Variants in SPTLC2 observed in about 807,000 individuals in gnomAD.
SPTLC2 encodes the protein serine palmitoyltransferase 2.
In SPTLC2, 21 loss-of-function variants were observed where a neutral mutation model predicts 62.0. That is an observed-to-expected ratio of 0.34 (90% confidence interval 0.24 to 0.49). SPTLC2 has a LOEUF of 0.49. Among genes scored for constraint, SPTLC2 ranks in the 20% least tolerant of loss-of-function variants. The pLI is 0.99. For synonymous variants in SPTLC2, 261 were observed against 261.8 expected, an observed-to-expected ratio of 1.00 and a Z score of 0.03; for missense variants, 511 against 713.0, an observed-to-expected ratio of 0.72 and a Z score of 3.23.
At chr14:77,525,635 G>A (rs1424439214) in intron 9 of SPTLC2, among the ~76,000 whole-genome samples, 2 of 152,058 alleles carry the variant, frequency 1.3e-5, no homozygotes, top group African/African-American at 4.8e-5. Context: ...GGAGGGCTGG[G>A]CATGGTGGCT....
At chr14:77,610,743 G>T (rs531425861) in intron 1 of SPTLC2, among the ~76,000 whole-genome samples, 1 of 151,852 alleles carries the variant, frequency 6.6e-6, no homozygotes, top group Non-Finnish European at 1.5e-5. Context: ...TTGTGGTCAG[G>T]AGTCTGAGAC....
intron 8 of SPTLC2, chr14:77,554,959 C>T (rs1378627409): frequency 5.7e-6 from 2 of 350,564 alleles, no homozygotes; most frequent in Non-Finnish European, 1.1e-5. Flanking sequence ...GCTCCCATGA[C>T]AACCCCACTG....
intron 8 of SPTLC2, 141 bp downstream of exon 8, chr14:77,555,159 G>A (rs1230843987): frequency 2.4e-6 from 2 of 850,588 alleles, no homozygotes; most frequent in East Asian, 2.4e-5. Flanking sequence ...AGACATTAGA[G>A]TCACTCACTG....
In SPTLC2 at chr14:77,534,176, TCTCACA is replaced by T. The variant is rs1231162896; in HGVS notation, c.1304-12601_1304-12596del. ...CTGTCTCTCTCTCTTTCTCTCTCTC[TCTCACA>T]CACACACACACACACACACACACAC... On this transcript the variant is annotated intron_variant, in intron 9 of 11. Coordinates refer to ENST00000216484, the MANE Select transcript of SPTLC2 (RefSeq NM_004863.4). Among the ~76,000 whole-genome samples the T allele has an allele frequency of 2.6e-3, 287 of 110,626 alleles. 2 individuals are homozygous for T. The highest frequency in any genetic ancestry group is 4.9e-3 in the Middle Eastern group (1 of 206). The allele number at this position is 110,626 out of a possible 152,430, so 72.6% of individuals were successfully genotyped here. A position where few individuals can be genotyped will look rare whatever the true frequency, so the allele number is the denominator to read the frequency against.
At chr14:77,540,753 C>T (rs560823533) in intron 9 of SPTLC2, among the ~76,000 whole-genome samples, 24 of 152,288 alleles carry the variant, frequency 1.6e-4, no homozygotes, top group Admixed American at 3.9e-4. Context: ...GGATTACAGG[C>T]GTGAGCCACC....
chr14:77,548,440 T>G (rs1397491654), intron 9 of SPTLC2, among the ~76,000 whole-genome samples: 2 of 152,214 alleles, frequency 1.3e-5, no homozygotes, highest in Non-Finnish European at 2.9e-5. Flanking sequence ...TTTAGTTGAT[T>G]TGGTCAAACA....
intron 2 of SPTLC2, among the ~76,000 whole-genome samples, chr14:77,583,240 A>AAAAT (rs1566787290): frequency 6.8e-6 from 1 of 146,594 alleles, no homozygotes. Flanking sequence ...TAAATAAATA[A>AAAAT]AAATAATAAT....
At position 77,506,024 on chromosome 14, in the gene SPTLC2, A is replaced by G. The variant is rs2079303282; in HGVS notation, c.*6260T>C. 2 of 152,238 alleles carry G rather than the reference A, an allele frequency of 1.3e-5. No individual in the cohort carries two copies. The highest frequency in any genetic ancestry group is 4.8e-5 in the African/African-American group (2 of 41,464). The allele number at this position is 152,238 out of a possible 1,614,324, so 9.4% of individuals were successfully genotyped here. ...TCTTTCTGAATATTTTATTAGGGCA[A>G]AACAAGATATTTGCATGGGATGCTT... On this transcript the variant is annotated 3_prime_UTR_variant, in exon 12 of 12. Coordinates refer to ENST00000216484, the MANE Select transcript of SPTLC2 (RefSeq NM_004863.4).
At chr14:77,597,773 C>CAA (rs771918353) in intron 1 of SPTLC2, among the ~76,000 whole-genome samples, 2 of 88,150 alleles carry the variant, frequency 2.3e-5, no homozygotes, top group Admixed American at 1.3e-4. Flanking sequence ...GACTCCGTGT[C>CAA]AAAAAAAAAA....
intron 2 of SPTLC2, among the ~76,000 whole-genome samples, chr14:77,590,285 T>C (rs1438654726): frequency 6.6e-6 from 1 of 152,226 alleles, no homozygotes; most frequent in Non-Finnish European, 1.5e-5. Context: ...GCCTCTGGCC[T>C]TGTATCTTAA....
chr14:77,511,233 C>T lies in SPTLC2; in HGVS notation c.*1051G>A, dbSNP rs996323053. ...AATAAACCTAATCCTTAAATAGGAACATGATAAATGCTTTCTGAGCAGAGG... is the reference window on the plus strand; with the variant it reads ...AATAAACCTAATCCTTAAATAGGAATATGATAAATGCTTTCTGAGCAGAGG... On this transcript the variant is annotated 3_prime_UTR_variant, in exon 12 of 12. Transcript: ENST00000216484. 6.6e-6 allele frequency: 1 copy of T among 152,204 alleles called. No individual in the cohort carries two copies. Among genetic ancestry groups the T allele is most frequent in the African/African-American group, 2.4e-5 (1 of 41,442 alleles). 9.4% of individuals were successfully genotyped at this position (152,204 alleles called of 1,614,324 possible). A position where few individuals can be genotyped will look rare whatever the true frequency, so the allele number is the denominator to read the frequency against.
intron 6 of SPTLC2, among the ~76,000 whole-genome samples, chr14:77,559,090 C>G (rs544420048): frequency 6.6e-6 from 1 of 152,186 alleles, no homozygotes; most frequent in East Asian, 1.9e-4. Context: ...GAGACCGAGG[C>G]GGGTGAATCG....
chr14:77,580,024 C>G (rs1002469915), intron 2 of SPTLC2, among the ~76,000 whole-genome samples: 5 of 152,274 alleles, frequency 3.3e-5, no homozygotes, highest in Non-Finnish European at 7.4e-5. Flanking sequence ...CCTCCTCCCA[C>G]ATTAATAGAT....
chr14:77,513,095 G>A (rs1227210037), intron 11 of SPTLC2, among the ~76,000 whole-genome samples: 1 of 126,666 alleles, frequency 7.9e-6, no homozygotes, highest in Admixed American at 1.1e-4. Context: ...GCACCATCTC[G>A]GCTCACTGCA....
rs373479393 is a variant in SPTLC2 at position 77,507,332 on chromosome 14, C to CT, written c.*4951dup. 9,375 of 138,932 alleles carry CT rather than the reference C, an allele frequency of 0.067. 384 individuals carry two copies. Among genetic ancestry groups the CT allele is most frequent in the African/African-American group, 0.1 (3,755 of 37,550 alleles). The allele number at this position is 138,932 out of a possible 1,614,324, so 8.6% of individuals were successfully genotyped here. On this transcript the variant is annotated 3_prime_UTR_variant, in exon 12 of 12. Transcript: ENST00000216484. ...GCAATGGCTAGGGGCCTGGGCACACCTTTTTTTTTTTTTTTTGAGACAGAG... is the reference window on the plus strand; with the variant it reads ...GCAATGGCTAGGGGCCTGGGCACACCTTTTTTTTTTTTTTTTTGAGACAGAG...
At chr14:77,599,441 A>G (rs926143122) in intron 1 of SPTLC2, among the ~76,000 whole-genome samples, 1 of 152,230 alleles carries the variant, frequency 6.6e-6, no homozygotes, top group African/African-American at 2.4e-5. Flanking sequence ...CCAAGGGGTA[A>G]AGATATTTTA....
At chr14:77,523,737 T>C (rs1459741651) in intron 9 of SPTLC2, among the ~76,000 whole-genome samples, 1 of 152,142 alleles carries the variant, frequency 6.6e-6, no homozygotes, top group Non-Finnish European at 1.5e-5. Flanking sequence ...TCCTATCACC[T>C]TAGTAGTGGA....
At chr14:77,595,278 T>C (rs530747352) in intron 2 of SPTLC2, among the ~76,000 whole-genome samples, 1 of 152,012 alleles carries the variant, frequency 6.6e-6, no homozygotes, top group Non-Finnish European at 1.5e-5. Flanking sequence ...GGCATGAGAA[T>C]TGCTTGGACC....
At chr14:77,552,434 T>A (rs187268058) in intron 8 of SPTLC2, among the ~76,000 whole-genome samples, 66 of 152,280 alleles carry the variant, frequency 4.3e-4, no homozygotes, top group African/African-American at 1.5e-3. Flanking sequence ...TTTGGTTTTG[T>A]TTTTTAAACA....
Sources: gnomAD v4.1 joint callset for allele counts (sites outside exome capture counted in the v4.1 genomes callset) on GRCh38, gnomAD v4.1.1 for gene constraint, MANE v1.5 for transcripts, NCBI Gene and HGNC (gene_info 2026-07-23, HGNC 2026-07-21) for gene names.